Variants in RFTN1 observed in about 807,000 individuals in gnomAD.
RFTN1 encodes the protein raftlin.
RFTN1 carries 26 observed loss-of-function variants against 46.5 expected under a neutral mutation model. The observed-to-expected ratio is 0.56, with a 90% CI of 0.41 to 0.78. The LOEUF is 0.78. Among genes scored for constraint, RFTN1 ranks in the 30% least tolerant of loss-of-function variants. The probability of loss-of-function intolerance (pLI) is 0.00; values close to 1 mark genes in which losing one functional copy is unlikely to be tolerated. For synonymous variants in RFTN1, 261 were observed against 284.2 expected (o/e 0.92, Z 0.82); for missense variants, 693 against 718.7 (o/e 0.96, Z 0.41).
At chr3:16,360,439 C>A (rs2072758384) in intron 6 of RFTN1, among the ~76,000 whole-genome samples, 1 of 152,208 alleles carries the variant, frequency 6.6e-6, no homozygotes, top group Non-Finnish European at 1.5e-5. Flanking sequence ...AGCCACCGTT[C>A]CAGGCCTCAA....
intron 8 of RFTN1, 118 bp downstream of exon 8, chr3:16,326,655 T>A (rs923948345): frequency 1.3e-6 from 1 of 746,308 alleles, no homozygotes; most frequent in African/African-American, 1.8e-5. Flanking sequence ...AGAGTTTACA[T>A]AACTACCAGC....
chr3:16,434,134 T>C (rs904539217), intron 2 of RFTN1, 97 bp from the exon 3 acceptor site: 2 of 967,406 alleles, frequency 2.1e-6, no homozygotes, highest in Non-Finnish European at 3.0e-6. Flanking sequence ...GAGGATCCTC[T>C]AGGTCACTGC....
chr3:16,363,957 C>A (rs2072992777), intron 6 of RFTN1, among the ~76,000 whole-genome samples: 1 of 152,224 alleles, frequency 6.6e-6, no homozygotes, highest in South Asian at 2.1e-4. Context: ...CACCGCTCAA[C>A]CAATCCCAGG....
At chr3:16,503,594 T>C (rs1262163942) in intron 1 of RFTN1, among the ~76,000 whole-genome samples, 2 of 152,142 alleles carry the variant, frequency 1.3e-5, no homozygotes, top group African/African-American at 4.8e-5. Flanking sequence ...TAGCCAGGAC[T>C]CAGCAGGGCC....
intron 8 of RFTN1, among the ~76,000 whole-genome samples, chr3:16,324,510 C>T (rs975780481): frequency 6.6e-6 from 1 of 151,786 alleles, no homozygotes; most frequent in Non-Finnish European, 1.5e-5. Context: ...TTAGATTCCA[C>T]GTATGAGAGA....
At position 16,450,798 on chromosome 3, in the gene RFTN1, T is replaced by C. The variant is rs896613922; in HGVS notation, c.146-16761A>G. 1.3e-5 allele frequency among the ~76,000 whole-genome samples: 2 copies of C among 151,766 alleles called. No homozygotes were observed. Among genetic ancestry groups the C allele is most frequent in the Non-Finnish European group, 1.5e-5 (1 of 67,926 alleles). ...CTTTCTTTCTTTTTTTTTTCCATCA[T>C]AAGAAAACAAAGCCAAAGAGATGGC... is the stretch of plus-strand genomic sequence containing the variant. On this transcript the variant is annotated intron_variant, in intron 2 of 9. Coordinates refer to ENST00000334133, the MANE Select transcript of RFTN1 (RefSeq NM_015150.2). The surrounding 1 kb of genome is among the most constrained non-coding windows in gnomAD (Gnocchi z 4.6).
In RFTN1 at chr3:16,342,970, C is replaced by G. The variant is rs1055490646; in HGVS notation, c.1146+14962G>C. On this transcript the variant is annotated intron_variant, in intron 7 of 9. Transcript: ENST00000334133. This position sits in a 1 kb window ranked among gnomAD's most constrained non-coding sequence, Gnocchi z 4.0. Reference sequence around the variant, plus strand: ...GCCTCCCACTACAGCCCCTCTGAGTCGCTGGGAATACAGGCACACACCACC... The same window carrying G: ...GCCTCCCACTACAGCCCCTCTGAGTGGCTGGGAATACAGGCACACACCACC... 6.6e-6 allele frequency among the ~76,000 whole-genome samples: 1 copy of G among 152,110 alleles called. No homozygotes were observed. The highest frequency in any genetic ancestry group is 1.5e-5 in the Non-Finnish European group (1 of 68,010).
chr3:16,408,417 TG>T (rs2074912093), intron 4 of RFTN1, among the ~76,000 whole-genome samples: 3 of 152,050 alleles, frequency 2.0e-5, no homozygotes, highest in African/African-American at 7.3e-5. Context: ...ATTCCCTAAT[TG>T]GCTGATTGGA....
At position 16,480,064 on chromosome 3, in the gene RFTN1, T is replaced by C. The variant is rs1366910622; in HGVS notation, c.145+13661A>G. Among the ~76,000 whole-genome samples the C allele has an allele frequency of 2.6e-5, 4 of 152,230 alleles. No homozygotes were observed. The highest frequency in any genetic ancestry group is 9.6e-5 in the African/African-American group (4 of 41,452). ...AGAGACCTTACTATCTTGTTCACCA[T>C]TGCATGCTCAATACAGAGCCTGAAA... On this transcript the variant is annotated intron_variant, in intron 2 of 9. Coordinates refer to ENST00000334133, the MANE Select transcript of RFTN1 (RefSeq NM_015150.2). This position sits in a 1 kb window ranked among gnomAD's most constrained non-coding sequence, Gnocchi z 4.3.
In RFTN1 at chr3:16,356,024, C is replaced by T. The variant is rs774402121; in HGVS notation, c.1146+1908G>A. ...TCGCTACTGTTACAGCCAAATGTTA[C>T]GGAGCAAACTGAATGCCGGCTGCTC... is the stretch of plus-strand genomic sequence containing the variant. On this transcript the variant is annotated intron_variant, in intron 7 of 9. Transcript: ENST00000334133. The surrounding 1 kb of genome is among the most constrained non-coding windows in gnomAD (Gnocchi z 4.9). 2.0e-5 allele frequency among the ~76,000 whole-genome samples: 3 copies of T among 152,178 alleles called. No individual in the cohort carries two copies. Among genetic ancestry groups the T allele is most frequent in the East Asian group, 3.8e-4 (2 of 5,198 alleles).
chr3:16,342,491 A>G lies in RFTN1; in HGVS notation c.1146+15441T>C, dbSNP rs150263795. Among the ~76,000 whole-genome samples the G allele has an allele frequency of 1.6e-4, 24 of 152,356 alleles. No homozygotes were observed. Among genetic ancestry groups the G allele is most frequent in the African/African-American group, 5.8e-4 (24 of 41,580 alleles). ...CATTACAAATAAAGCTGCCATCAACATTAATGTACATAGGTCTTTATGTGG... is the reference window on the plus strand; with the variant it reads ...CATTACAAATAAAGCTGCCATCAACGTTAATGTACATAGGTCTTTATGTGG... On this transcript the variant is annotated intron_variant, in intron 7 of 9. Transcript: ENST00000334133. This position sits in a 1 kb window ranked among gnomAD's most constrained non-coding sequence, Gnocchi z 4.0.
chr3:16,324,034 T>A lies in RFTN1; in HGVS notation c.1251-577A>T, dbSNP rs189805712. Among the ~76,000 whole-genome samples, 607 of 152,042 alleles carry A rather than the reference T, an allele frequency of 4.0e-3. 4 individuals carry two copies. The highest frequency in any genetic ancestry group is 0.014 in the African/African-American group (580 of 41,466). ...ACTCGTATCTTACAATACAGTGAAT[T>A]CTCTCTTCCCAGGAAGGCAGGACCT... is the stretch of plus-strand genomic sequence containing the variant. On this transcript the variant is annotated intron_variant, in intron 8 of 9. Transcript: ENST00000334133.
At chr3:16,423,422 T>C (rs1433791724) in intron 3 of RFTN1, among the ~76,000 whole-genome samples, 2 of 152,112 alleles carry the variant, frequency 1.3e-5, no homozygotes, top group African/African-American at 4.8e-5. Flanking sequence ...AGAAATTCTA[T>C]CCTTACCTAC....
rs566913638 is a variant in RFTN1, at chr3:16,468,577, T to C, written c.145+25148A>G. 2.0e-5 allele frequency among the ~76,000 whole-genome samples: 3 copies of C among 148,830 alleles called. No homozygotes were observed. Among genetic ancestry groups the C allele is most frequent in the Non-Finnish European group, 3.0e-5 (2 of 67,706 alleles). Reference sequence around the variant, plus strand: ...GCATAAATCAGCCCAAATAGAGTGATGGAGTAGCGGGGAGAGGCTGACGCA... The same window carrying C: ...GCATAAATCAGCCCAAATAGAGTGACGGAGTAGCGGGGAGAGGCTGACGCA... On this transcript the variant is annotated intron_variant, in intron 2 of 9. Transcript: ENST00000334133. The surrounding 1 kb of genome is among the most constrained non-coding windows in gnomAD (Gnocchi z 4.4).
At chr3:16,399,999 A>T (rs1242576751) in intron 4 of RFTN1, among the ~76,000 whole-genome samples, 1 of 152,048 alleles carries the variant, frequency 6.6e-6, no homozygotes, top group Non-Finnish European at 1.5e-5. Flanking sequence ...AACCACACCC[A>T]CTCTTGACCC....
chr3:16,397,963 T>C (rs842490), intron 4 of RFTN1, among the ~76,000 whole-genome samples: 11,604 of 152,108 alleles, frequency 0.076, 561 homozygotes, highest in African/African-American at 0.13. Flanking sequence ...AGAAGCATCA[T>C]GGGCCGGGCG....
At chr3:16,390,521 T>C (rs2074319438) in intron 4 of RFTN1, among the ~76,000 whole-genome samples, 1 of 152,248 alleles carries the variant, frequency 6.6e-6, no homozygotes. Flanking sequence ...CATTATTAAT[T>C]GGTTTAGCAA....
intron 2 of RFTN1, among the ~76,000 whole-genome samples, chr3:16,453,154 T>G (rs747796072): frequency 1.3e-5 from 2 of 152,190 alleles, no homozygotes; most frequent in Admixed American, 1.3e-4. Flanking sequence ...AGAAGTTGAG[T>G]AAATTTCCCA....
chr3:16,409,950 G>T (rs1260955804), intron 3 of RFTN1, among the ~76,000 whole-genome samples: 2 of 151,290 alleles, frequency 1.3e-5, no homozygotes, highest in Non-Finnish European at 2.9e-5. Context: ...GCCTCCCAAA[G>T]TGCTGGGATT....
Sources: allele counts gnomAD v4.1 joint callset (sites outside exome capture counted in the v4.1 genomes callset), GRCh38; gene constraint gnomAD v4.1.1; non-coding constraint Gnocchi (gnomAD v3.1); transcripts MANE v1.5; gene names NCBI Gene and HGNC (gene_info 2026-07-23, HGNC 2026-07-21).